Variants in SLC4A3 observed in about 807,000 individuals in gnomAD.
SLC4A3 encodes anion exchange protein 3.
In SLC4A3, 47 loss-of-function variants were observed where a neutral mutation model predicts 114.2. The observed-to-expected ratio is 0.41, with a 90% CI of 0.33 to 0.52. SLC4A3 has a LOEUF of 0.52. Among genes scored for constraint, SLC4A3 ranks in the 20% least tolerant of loss-of-function variants. SLC4A3 has a pLI of 0.21. For missense variants in SLC4A3, 1,312 were observed against 1,668.3 expected, an observed-to-expected ratio of 0.79 and a Z score of 3.72; for synonymous variants, 693 against 710.3, an observed-to-expected ratio of 0.98 and a Z score of 0.39.
chr2:219,639,879 C>T lies in SLC4A3; in HGVS notation c.3277+144C>T. On this transcript the variant is annotated intron_variant, in intron 20 of 22. Transcript: ENST00000358055. This position sits in a 1 kb window ranked among gnomAD's most constrained non-coding sequence, Gnocchi z 5.9. ...CCCCAAACCTGCTTCCCAGCACTCC[C>T]CTAGCCCTTTACTCCTGGAGTCCTT... 9.6e-7 allele frequency: 1 copy of T among 1,041,376 alleles called. No individual in the cohort carries two copies. The highest frequency in any genetic ancestry group is 2.3e-5 in the Admixed American group (1 of 43,198). The allele number at this position is 1,041,376 out of a possible 1,614,324, so 64.5% of individuals were successfully genotyped here. A position where few individuals can be genotyped will look rare whatever the true frequency, so the allele number is the denominator to read the frequency against.
Position 219,641,095 on chromosome 2 carries a change from G to A in SLC4A3, c.3621+133G>A, listed in dbSNP as rs1040793748. The A allele has an allele frequency of 1.5e-5, 13 of 840,222 alleles. No individual in the cohort carries two copies. Among genetic ancestry groups the A allele is most frequent in the Admixed American group, 2.6e-5 (1 of 39,108 alleles). The allele number at this position is 840,222 out of a possible 1,614,324, so 52.0% of individuals were successfully genotyped here. A position where few individuals can be genotyped will look rare whatever the true frequency, so the allele number is the denominator to read the frequency against. The stretch of plus-strand genomic sequence containing the variant: ...TGTGTTGCAAGTTATCTCACCTTCC[G>A]AAATCTTATTTTCACCTGTATAATA... On this transcript the variant is annotated intron_variant, in intron 22 of 22. Transcript: ENST00000358055. The surrounding 1 kb of genome is among the most constrained non-coding windows in gnomAD (Gnocchi z 4.0).
chr2:219,631,294 C>T lies in SLC4A3; in HGVS notation c.812-674C>T, dbSNP rs535233088. On this transcript the variant is annotated intron_variant, in intron 6 of 22. Coordinates refer to ENST00000358055, the MANE Select transcript of SLC4A3 (RefSeq NM_005070.4). The surrounding 1 kb of genome is among the most constrained non-coding windows in gnomAD (Gnocchi z 6.3). ...CCCAATGGGGCACTGAGCCCTGGGC[C>T]TGGGGATACCAATAGCTGGGGCTTT... 6.9e-6 allele frequency: 9 copies of T among 1,303,550 alleles called. No homozygotes were observed. In the East Asian group the frequency reaches 1.7e-4, roughly 24 times the overall value. The allele number at this position is 1,303,550 out of a possible 1,614,324, so 80.7% of individuals were successfully genotyped here.
Position 219,636,289 on chromosome 2 carries a change from C to T in SLC4A3, c.2192-13C>T, listed in dbSNP as rs774120627. 90 of 1,613,044 alleles carry T rather than the reference C, an allele frequency of 5.6e-5. No homozygotes were observed. The highest frequency in any genetic ancestry group is 9.9e-5 in the South Asian group (9 of 91,084). ...AGAGCCAGGCTAGGGCCATCCTACC[C>T]GTGCTATGGCAGGAGAGAAGACCGA... On this transcript the variant is annotated splice_polypyrimidine_tract_variant and intron_variant, in intron 14 of 22. Coordinates refer to ENST00000358055, the MANE Select transcript of SLC4A3 (RefSeq NM_005070.4). This position sits in a 1 kb window ranked among gnomAD's most constrained non-coding sequence, Gnocchi z 5.5.
At chr2:219,635,218 C>T in intron 12 of SLC4A3, 53 bp from the exon 13 acceptor site, 1 of 1,500,756 alleles carries the variant, frequency 6.7e-7, no homozygotes. Flanking sequence ...AGTCTCCCTC[C>T]TGGAGGCTCC....
In SLC4A3 at chr2:219,627,987, C is replaced by T. The variant is rs1698775155; in HGVS notation, c.-6C>T. The T allele has an allele frequency of 6.2e-7, 1 of 1,600,186 alleles. No individual in the cohort carries two copies. The highest frequency in any genetic ancestry group is 8.5e-7 in the Non-Finnish European group (1 of 1,174,332). On this transcript the variant is annotated 5_prime_UTR_variant, in exon 2 of 23. Transcript: ENST00000358055. Reference sequence around the variant, plus strand: ...AGCGAGAGCGTCCCCAGCCGCCTACCTGGCCATGGCCAACGGAGTGATCCC... The same window carrying T: ...AGCGAGAGCGTCCCCAGCCGCCTACTTGGCCATGGCCAACGGAGTGATCCC...
Position 219,633,799 on chromosome 2 carries a change from C to G in SLC4A3, c.1462-81C>G, listed in dbSNP as rs1445638773. On this transcript the variant is annotated intron_variant, in intron 10 of 22. Transcript: ENST00000358055. ...TGGGAGGGAGAAGCAGGTCTCAGAG[C>G]CAGGGCTGGAGCCAGGGCTGGGAGG... 1.9e-6 allele frequency: 3 copies of G among 1,539,614 alleles called. No homozygotes were observed. The African/African-American group carries it at 4.1e-5, about 21-fold the overall frequency.
Position 219,628,513 on chromosome 2 carries a change from C to T in SLC4A3, c.160C>T (p.Pro54Ser), listed in dbSNP as rs1452196135. The T allele has an allele frequency of 3.1e-6, 5 of 1,613,438 alleles. No homozygotes were observed. The highest frequency in any genetic ancestry group is 3.3e-5 in the Admixed American group (2 of 59,910). ...VSRFGDLISK[P>S]PAWDPEKPSR... ...CAGGTTTGGGGACCTCATCAGCAAGCCCCCGGCCTGGGACCCCGAGAAGCC... is the reference window on the plus strand; with the variant it reads ...CAGGTTTGGGGACCTCATCAGCAAGTCCCCGGCCTGGGACCCCGAGAAGCC... The change falls in exon 3 of 23, where the codon CCC (proline) becomes TCC (serine). Residue 54 changes from proline (P) to serine (S), a missense_variant. By Grantham distance (74) the Pro-to-Ser change is moderately conservative (BLOSUM62 -1). This residue lies in a region of SLC4A3 where 236 missense variants were observed against 212.1 expected (regional missense o/e 1.11). Transcript: ENST00000358055. This position sits in a 1 kb window ranked among gnomAD's most constrained non-coding sequence, Gnocchi z 4.8.
In SLC4A3 at chr2:219,630,962, C is replaced by G; in HGVS notation, c.811+610C>G. ...GAAGGGTAGGGCTTTGAGCTCAATA[C>G]GTCATGGAAAGTTGCCAGGGCCTGA... On this transcript the variant is annotated intron_variant, in intron 6 of 22. Coordinates refer to ENST00000358055, the MANE Select transcript of SLC4A3 (RefSeq NM_005070.4). This position sits in a 1 kb window ranked among gnomAD's most constrained non-coding sequence, Gnocchi z 6.9. The G allele has an allele frequency of 4.7e-6, 1 of 213,018 alleles. No homozygotes were observed. Among genetic ancestry groups the G allele is most frequent in the African/African-American group, 2.4e-5 (1 of 42,326 alleles). 13.2% of individuals were successfully genotyped at this position (213,018 alleles called of 1,614,324 possible).
chr2:219,627,905 C>T lies in SLC4A3; in HGVS notation c.-88C>T. On this transcript the variant is annotated 5_prime_UTR_variant, in exon 2 of 23. Transcript: ENST00000358055. ...ACCCCGCCCTCCTCCCCCAGGGCTCCCCGCTAGGCCCCCTCAGTGGCCCCT... is the reference window on the plus strand; with the variant it reads ...ACCCCGCCCTCCTCCCCCAGGGCTCTCCGCTAGGCCCCCTCAGTGGCCCCT... The T allele has an allele frequency of 1.8e-6, 2 of 1,124,058 alleles. No individual in the cohort carries two copies. The highest frequency in any genetic ancestry group is 2.8e-5 in the East Asian group (1 of 35,698). The allele number at this position is 1,124,058 out of a possible 1,614,324, so 69.6% of individuals were successfully genotyped here.
chr2:219,629,094 G>C (rs780903747), intron 3 of SLC4A3, 50 bp from the exon 4 acceptor site: 2 of 1,520,916 alleles, frequency 1.3e-6, no homozygotes, highest in South Asian at 2.6e-5. Flanking sequence ...GGGTGGGGAG[G>C]GCCCCTGTTT....
Position 219,630,252 on chromosome 2 carries a change from A to G in SLC4A3, c.711A>G (p.Pro237=), listed in dbSNP as rs1698873393. 2 of 1,613,324 alleles carry G rather than the reference A, an allele frequency of 1.2e-6. No individual in the cohort carries two copies. The highest frequency in any genetic ancestry group is 2.7e-5 in the African/African-American group (2 of 74,932). The change falls in exon 6 of 23, where the codon CCA becomes CCG. Residue 237 remains proline (P), a synonymous_variant. Transcript: ENST00000358055. The surrounding 1 kb of genome is among the most constrained non-coding windows in gnomAD (Gnocchi z 6.9). ...ASYDLRERLC[P]GSALGNPGGP... is the part of the protein sequence containing the mutation. ...ATGACCTGCGGGAGCGACTGTGCCC[A>G]GGCAGTGCCCTGGGCAACCCAGGTG... is the stretch of plus-strand genomic sequence containing the variant.
At chr2:219,640,729 G>A (rs904757565) in intron 21 of SLC4A3, 60 bp from the exon 22 acceptor site, 10 of 1,579,516 alleles carry the variant, frequency 6.3e-6, no homozygotes, top group Admixed American at 5.1e-5. Flanking sequence ...TCCCCACGAT[G>A]TGGGTGGGTG....
At chr2:219,633,751 C>A in intron 10 of SLC4A3, 129 bp from the exon 11 acceptor site, 1 of 1,397,312 alleles carries the variant, frequency 7.2e-7, no homozygotes, top group East Asian at 2.6e-5. Context: ...AGTGTGGGGC[C>A]ACAGTGCAGT....
chr2:219,634,418 A>C lies in SLC4A3; in HGVS notation c.1562-2A>C. 6.2e-7 allele frequency: 1 copy of C among 1,613,726 alleles called. No homozygotes were observed. The highest frequency in any genetic ancestry group is 1.1e-5 in the South Asian group (1 of 91,044). On this transcript the variant is annotated splice_acceptor_variant, in intron 11 of 22. Coordinates refer to ENST00000358055, the MANE Select transcript of SLC4A3 (RefSeq NM_005070.4). LOFTEE classifies it high-confidence loss of function. Reference sequence around the variant, plus strand: ...GCGCCCTGTGCTTTCCTCTTCCCCTAGGTTGTGTGCCTTTCTTGGAGCAGC... The same window carrying C: ...GCGCCCTGTGCTTTCCTCTTCCCCTCGGTTGTGTGCCTTTCTTGGAGCAGC...
rs552251018 is a variant in SLC4A3 at position 219,631,896 on chromosome 2, A to G, written c.812-72A>G. ...AGCTCACCAAGTAGATGGGTTGGGCAGAAGGAGCTGGGCCGTGACCCCGAG... is the reference window on the plus strand; with the variant it reads ...AGCTCACCAAGTAGATGGGTTGGGCGGAAGGAGCTGGGCCGTGACCCCGAG... On this transcript the variant is annotated intron_variant, in intron 6 of 22. Coordinates refer to ENST00000358055, the MANE Select transcript of SLC4A3 (RefSeq NM_005070.4). The surrounding 1 kb of genome is among the most constrained non-coding windows in gnomAD (Gnocchi z 6.3). 1.1e-4 allele frequency: 169 copies of G among 1,496,120 alleles called. 5 individuals carry two copies. The Admixed American group carries it at 3.7e-3, about 33-fold the overall frequency. The allele number at this position is 1,496,120 out of a possible 1,614,324, so 92.7% of individuals were successfully genotyped here. A position where few individuals can be genotyped will look rare whatever the true frequency, so the allele number is the denominator to read the frequency against.
chr2:219,635,264 C>T lies in SLC4A3; in HGVS notation c.1747-7C>T, dbSNP rs374005204. 81 of 1,612,650 alleles carry T rather than the reference C, an allele frequency of 5.0e-5. No individual in the cohort carries two copies. The highest frequency in any genetic ancestry group is 6.6e-5 in the Non-Finnish European group (78 of 1,178,872). On this transcript the variant is annotated splice_polypyrimidine_tract_variant and splice_region_variant and intron_variant, in intron 12 of 22. Coordinates refer to ENST00000358055, the MANE Select transcript of SLC4A3 (RefSeq NM_005070.4). The stretch of plus-strand genomic sequence containing the variant: ...CCTGAGGGTCCTGGCCCTCTCATTG[C>T]CCCCAGCTGTTTCATGAGGCTGCCT...
In SLC4A3 at chr2:219,636,474, C is replaced by T. The variant is rs374445400; in HGVS notation, c.2340+24C>T. Reference sequence around the variant, plus strand: ...AGGTGAGGCGAAGCCTTGCCCTGCTCCATCCATCCTGCCCCACACTCTTCC... The same window carrying T: ...AGGTGAGGCGAAGCCTTGCCCTGCTTCATCCATCCTGCCCCACACTCTTCC... On this transcript the variant is annotated intron_variant, in intron 15 of 22. Coordinates refer to ENST00000358055, the MANE Select transcript of SLC4A3 (RefSeq NM_005070.4). This position sits in a 1 kb window ranked among gnomAD's most constrained non-coding sequence, Gnocchi z 5.5. 6.3e-7 allele frequency: 1 copy of T among 1,581,874 alleles called. No homozygotes were observed.
intron 7 of SLC4A3, 25 bp from the exon 8 acceptor site, chr2:219,632,237 C>T (rs1698950599): frequency 6.2e-7 from 1 of 1,613,470 alleles, no homozygotes; most frequent in Non-Finnish European, 8.5e-7. Context: ...GGCCCCTGGG[C>T]CCTCACCTTT....
Position 219,628,633 on chromosome 2 carries a change from C to T in SLC4A3, c.217+63C>T. 2.0e-6 allele frequency: 3 copies of T among 1,526,252 alleles called. No homozygotes were observed. The highest frequency in any genetic ancestry group is 2.7e-5 in the African/African-American group (2 of 72,796). 94.5% of individuals were successfully genotyped at this position (1,526,252 alleles called of 1,614,324 possible). ...CCACCATCACCTTCATCGCCACCATCACCGCGCTCACCTCCGGCTTGGTCA... is the reference window on the plus strand; with the variant it reads ...CCACCATCACCTTCATCGCCACCATTACCGCGCTCACCTCCGGCTTGGTCA... On this transcript the variant is annotated intron_variant, in intron 3 of 22. Transcript: ENST00000358055. The surrounding 1 kb of genome is among the most constrained non-coding windows in gnomAD (Gnocchi z 4.8).
Sources: allele counts gnomAD v4.1 joint callset, GRCh38; gene constraint gnomAD v4.1.1; regional missense constraint gnomAD v4.1.1; non-coding constraint Gnocchi (gnomAD v3.1); transcripts MANE v1.5; gene names NCBI Gene and HGNC (gene_info 2026-07-23, HGNC 2026-07-21).